Variants in GPSM1 observed in about 807,000 individuals in gnomAD.
GPSM1 encodes the protein G protein signaling modulator 1, also known as G protein-signaling modulator 1.
In GPSM1, 48 loss-of-function variants were observed where a neutral mutation model predicts 70.5. That is an observed-to-expected ratio of 0.68 (90% CI 0.54 to 0.87). GPSM1 has a LOEUF of 0.87. Ranked by LOEUF, GPSM1 falls within the 40% of genes least tolerant of loss-of-function variation. The probability of loss-of-function intolerance (pLI) is 0.00; values close to 1 mark genes in which losing one functional copy is unlikely to be tolerated. For synonymous variants in GPSM1, 416 were observed against 430.1 expected, an observed-to-expected ratio of 0.97 and a Z score of 0.41; for missense variants, 981 against 972.6, an observed-to-expected ratio of 1.01 and a Z score of -0.11.
At chr9:136,328,052 C>T (rs1832019543) in intron 1 of GPSM1, among the ~76,000 whole-genome samples, 3 of 152,108 alleles carry the variant, frequency 2.0e-5, no homozygotes, top group African/African-American at 7.2e-5. Context: ...GCAGGGGCAC[C>T]GTGGGGTGCT....
intron 8 of GPSM1, 63 bp downstream of exon 8, chr9:136,339,878 C>T: frequency 2.0e-6 from 2 of 994,828 alleles, no homozygotes; most frequent in South Asian, 1.4e-5. Flanking sequence ...CGGGCCGGGT[C>T]CCCTCTGCCC....
chr9:136,336,173 G>T, intron 3 of GPSM1, 72 bp downstream of exon 3: 1 of 1,524,304 alleles, frequency 6.6e-7, no homozygotes, highest in Admixed American at 1.8e-5. Context: ...GGATAGGGGC[G>T]GGCGGGTGAC....
intron 1 of GPSM1, among the ~76,000 whole-genome samples, chr9:136,329,620 G>T (rs1045775950): frequency 1.3e-5 from 2 of 152,176 alleles, no homozygotes; most frequent in South Asian, 4.1e-4. Flanking sequence ...GGGGCTCCAG[G>T]TTGGCCCAAG....
In GPSM1 at chr9:136,356,630, G is replaced by C. The variant is rs138764100; in HGVS notation, c.1821+80G>C. On this transcript the variant is annotated intron_variant, in intron 13 of 13. Transcript: ENST00000440944. ...GTGGAGGCAACTTGTGTCCTGAGGGGTGAGGTGGGCGCTGGTTCTGCCATC... is the reference window on the plus strand; with the variant it reads ...GTGGAGGCAACTTGTGTCCTGAGGGCTGAGGTGGGCGCTGGTTCTGCCATC... 1.0e-4 allele frequency: 109 copies of C among 1,048,302 alleles called. No homozygotes were observed. In the East Asian group the frequency reaches 2.8e-3, roughly 27 times the overall value. 64.9% of individuals were successfully genotyped at this position (1,048,302 alleles called of 1,614,324 possible). A position where few individuals can be genotyped will look rare whatever the true frequency, so the allele number is the denominator to read the frequency against.
At chr9:136,352,774 C>T (rs1444957189) in intron 11 of GPSM1, among the ~76,000 whole-genome samples, 3 of 152,348 alleles carry the variant, frequency 2.0e-5, no homozygotes, top group Non-Finnish European at 4.4e-5. Flanking sequence ...GCCCAGGTGT[C>T]AGCGGGAAAA....
chr9:136,340,791 G>C lies in GPSM1; in HGVS notation c.1084-79G>C. On this transcript the variant is annotated intron_variant, in intron 8 of 13. Coordinates refer to ENST00000440944, the MANE Select transcript of GPSM1 (RefSeq NM_001145638.3). The surrounding 1 kb of genome is among the most constrained non-coding windows in gnomAD (Gnocchi z 7.3). ...CAGAAGGTCAGGGACGGGTGTACTGGGGGCCATTAAGGTCCCCTTGGAGCC... is the reference window on the plus strand; with the variant it reads ...CAGAAGGTCAGGGACGGGTGTACTGCGGGCCATTAAGGTCCCCTTGGAGCC... The C allele has an allele frequency of 2.0e-6, 3 of 1,482,426 alleles. No homozygotes were observed. The highest frequency in any genetic ancestry group is 2.7e-6 in the Non-Finnish European group (3 of 1,120,032). The allele number at this position is 1,482,426 out of a possible 1,614,324, so 91.8% of individuals were successfully genotyped here. A position where few individuals can be genotyped will look rare whatever the true frequency, so the allele number is the denominator to read the frequency against.
intron 10 of GPSM1, 26 bp downstream of exon 10, chr9:136,348,793 T>C (rs1832587534): frequency 2.6e-6 from 4 of 1,567,192 alleles, no homozygotes; most frequent in Non-Finnish European, 3.5e-6. Context: ...GGGACCGATG[T>C]CAGCACAGCC....
At chr9:136,337,600 G>C (rs1832276548) in intron 5 of GPSM1, 36 bp downstream of exon 5, 1 of 1,539,204 alleles carries the variant, frequency 6.5e-7, no homozygotes, top group East Asian at 2.4e-5. Context: ...GAGGGGCCGG[G>C]CTGCTGCAGG....
chr9:136,346,786 T>A (rs1410749908), intron 9 of GPSM1, among the ~76,000 whole-genome samples: 2 of 152,074 alleles, frequency 1.3e-5, no homozygotes, highest in African/African-American at 4.8e-5. Flanking sequence ...GTCAGGGGGA[T>A]GTTGGCTGAG....
In GPSM1 at chr9:136,341,801, C is replaced by A. The variant is rs1229428357; in HGVS notation, c.1207+808C>A. 1.0e-6 allele frequency: 1 copy of A among 981,620 alleles called. No homozygotes were observed. The highest frequency in any genetic ancestry group is 1.2e-6 in the Non-Finnish European group (1 of 826,700). The allele number at this position is 981,620 out of a possible 1,614,324, so 60.8% of individuals were successfully genotyped here. On this transcript the variant is annotated intron_variant, in intron 9 of 13. Transcript: ENST00000440944. The surrounding 1 kb of genome is among the most constrained non-coding windows in gnomAD (Gnocchi z 6.7). ...TGCTGGGCTGCCGGAGTTTCTTTTT[C>A]TTATCTTATTTTTAATAATTAAATG...
rs782301067 is a variant in GPSM1, at chr9:136,356,522, ACTT to A, written c.1798_1800del (p.Phe600del). On this transcript the variant is annotated inframe_deletion, in exon 13 of 14. Coordinates refer to ENST00000440944, the MANE Select transcript of GPSM1 (RefSeq NM_001145638.3). ...GGCGAGCCCCAGGAGCCGGGGGACGACTTCTTCAACATGCTCATCAAGTACCAG... is the reference window on the plus strand; with the variant it reads ...GGCGAGCCCCAGGAGCCGGGGGACGACTTCAACATGCTCATCAAGTACCAG... 15 of 1,611,466 alleles carry A rather than the reference ACTT, an allele frequency of 9.3e-6. No homozygotes were observed. Among genetic ancestry groups the A allele is most frequent in the African/African-American group, 1.3e-5 (1 of 74,916 alleles).
In GPSM1 at chr9:136,343,845, C is replaced by A. The variant is rs1431552149; in HGVS notation, c.1207+2852C>A. ...CGCCTGTTCCAGCAGCCCAGTGGCCCTTGGGCAGCCGCCGGGATGGAGGAT... is the reference window on the plus strand; with the variant it reads ...CGCCTGTTCCAGCAGCCCAGTGGCCATTGGGCAGCCGCCGGGATGGAGGAT... On this transcript the variant is annotated intron_variant, in intron 9 of 13. Transcript: ENST00000440944. The surrounding 1 kb of genome is among the most constrained non-coding windows in gnomAD (Gnocchi z 6.0). Among the ~76,000 whole-genome samples, 1 of 152,208 alleles carries A rather than the reference C, an allele frequency of 6.6e-6. No homozygotes were observed. Among genetic ancestry groups the A allele is most frequent in the South Asian group, 2.1e-4 (1 of 4,834 alleles).
chr9:136,337,105 G>A, intron 4 of GPSM1, 33 bp downstream of exon 4: 1 of 1,523,168 alleles, frequency 6.6e-7, no homozygotes, highest in Non-Finnish European at 8.8e-7. Context: ...AGGGACCGGG[G>A]CTGGCCTGTG....
chr9:136,329,897 G>GC (rs1832062570), intron 1 of GPSM1, among the ~76,000 whole-genome samples: 1 of 142,492 alleles, frequency 7.0e-6, no homozygotes, highest in Non-Finnish European at 1.5e-5. Flanking sequence ...TGGGGACGGG[G>GC]CCCTGGGTGC....
rs1463868656 is a variant in GPSM1 at position 136,343,061 on chromosome 9, T to C, written c.1207+2068T>C. Among the ~76,000 whole-genome samples the C allele has an allele frequency of 6.6e-6, 1 of 151,988 alleles. No individual in the cohort carries two copies. The highest frequency in any genetic ancestry group is 1.5e-5 in the Non-Finnish European group (1 of 67,964). ...GCGCGGCTCAGTCAGCGTATTAATC[T>C]CACCGCCCTCTGCTGGCCCCTCCCC... On this transcript the variant is annotated intron_variant, in intron 9 of 13. Transcript: ENST00000440944. This position sits in a 1 kb window ranked among gnomAD's most constrained non-coding sequence, Gnocchi z 6.0.
In GPSM1 at chr9:136,358,327, T is replaced by C; in HGVS notation, c.*107T>C. On this transcript the variant is annotated 3_prime_UTR_variant, in exon 14 of 14. Coordinates refer to ENST00000440944, the MANE Select transcript of GPSM1 (RefSeq NM_001145638.3). Reference sequence around the variant, plus strand: ...CATTGCCGAGGACAGGCACTGGGCATGCAGCCCCACGGCCTCCCCGACCCA... The same window carrying C: ...CATTGCCGAGGACAGGCACTGGGCACGCAGCCCCACGGCCTCCCCGACCCA... The C allele has an allele frequency of 9.4e-7, 1 of 1,061,776 alleles. No individual in the cohort carries two copies. Among genetic ancestry groups the C allele is most frequent in the Non-Finnish European group, 1.4e-6 (1 of 735,812 alleles). The allele number at this position is 1,061,776 out of a possible 1,614,324, so 65.8% of individuals were successfully genotyped here.
intron 11 of GPSM1, 56 bp downstream of exon 11, chr9:136,349,819 G>T: frequency 6.8e-7 from 1 of 1,468,258 alleles, no homozygotes; most frequent in Non-Finnish European, 9.1e-7. Flanking sequence ...TGGCAACTGC[G>T]CCCCAACTCC....
intron 11 of GPSM1, among the ~76,000 whole-genome samples, chr9:136,351,277 G>A (rs1210714728): frequency 6.6e-6 from 1 of 152,156 alleles, no homozygotes; most frequent in Non-Finnish European, 1.5e-5. Flanking sequence ...GTGGAGGGAA[G>A]GGCACCCAGG....
Position 136,355,720 on chromosome 9 carries a change from G to T in GPSM1, c.1486G>T (p.Glu496Ter). 1 of 1,612,436 alleles carries T rather than the reference G, an allele frequency of 6.2e-7. No homozygotes were observed. The highest frequency in any genetic ancestry group is 8.5e-7 in the Non-Finnish European group (1 of 1,179,558). The part of the protein sequence containing the change: ...SIPRAPSSDE[E>*]CFFDLLTKFQ... ...CCCGAGGGCCCCGTCTTCGGACGAG[G>T]AGTGCTTCTTTGACCTGTTGACCAA... The change falls in exon 12 of 14, where the codon GAG (glutamate) becomes TAG (stop). Residue 496 changes from glutamate (E) to a stop codon, truncating the protein, a stop_gained. Transcript: ENST00000440944. LOFTEE classifies it high-confidence loss of function.
Sources: gnomAD v4.1 joint callset for allele counts (sites outside exome capture counted in the v4.1 genomes callset) on GRCh38, gnomAD v4.1.1 for gene constraint, Gnocchi (gnomAD v3.1) non-coding constraint, MANE v1.5 for transcripts, NCBI Gene and HGNC (gene_info 2026-07-23, HGNC 2026-07-21) for gene names.